The following LOC400499 variants were observed in gnomAD, a reference collection of about 807,000 sequenced individuals.
At chr16:11,521,825 AAT>A in the LOC400499 span, 55 of 396,900 alleles carry the variant, frequency 1.4e-4, no homozygotes, top group South Asian at 7.7e-3. Context: ...TCACTTGCCA[AAT>A]ATAAGATTCC....
the LOC400499 span, among the ~76,000 whole-genome samples, chr16:11,498,987 C>T: frequency 1.2e-3 from 167 of 136,702 alleles, no homozygotes; most frequent in East Asian, 0.016. Flanking sequence ...TGAGGAAGTC[C>T]AGATGGGTTT....
chr16:11,372,129 C>T, the LOC400499 span: 1 of 152,194 alleles, frequency 6.6e-6, no homozygotes, highest in Non-Finnish European at 1.5e-5. Context: ...TCACAGGTGC[C>T]CCTACCAAAA....
chr16:11,479,126 G>C, the LOC400499 span, among the ~76,000 whole-genome samples: 2 of 152,160 alleles, frequency 1.3e-5, no homozygotes, highest in Non-Finnish European at 2.9e-5. Flanking sequence ...TACTTTGGGA[G>C]GGGGAAGGGG....
the LOC400499 span, chr16:11,398,442 G>T: frequency 8.1e-7 from 1 of 1,232,288 alleles, no homozygotes; most frequent in Non-Finnish European, 1.0e-6. Flanking sequence ...ACGGGTACAA[G>T]AGGCCCCGAG....
the LOC400499 span, chr16:11,459,821 A>T: frequency 5.7e-5 from 71 of 1,244,368 alleles, no homozygotes; most frequent in Middle Eastern, 1.8e-3. Flanking sequence ...CCAGAGGGCC[A>T]TGTGGGGGTT....
At chr16:11,374,872 A>C in the LOC400499 span, among the ~76,000 whole-genome samples, 1 of 152,306 alleles carries the variant, frequency 6.6e-6, no homozygotes, top group East Asian at 1.9e-4. Flanking sequence ...GTTTTGAGAC[A>C]GAGTCTGGCT....
the LOC400499 span, among the ~76,000 whole-genome samples, chr16:11,462,865 G>A: frequency 1.3e-5 from 2 of 152,106 alleles, no homozygotes; most frequent in South Asian, 4.1e-4. Flanking sequence ...TGTCCCTATG[G>A]AACGCGTCTA....
At chr16:11,434,848 T>C in the LOC400499 span, among the ~76,000 whole-genome samples, 9 of 152,310 alleles carry the variant, frequency 5.9e-5, no homozygotes, top group East Asian at 1.7e-3. Context: ...CCCTGGACCC[T>C]AGGCTCCTGA....
At chr16:11,453,101 C>T in the LOC400499 span, among the ~76,000 whole-genome samples, 21 of 152,266 alleles carry the variant, frequency 1.4e-4, no homozygotes, top group African/African-American at 5.1e-4. Context: ...CTCACTCTCC[C>T]CTAATGGGAT....
the LOC400499 span, chr16:11,448,837 C>T: frequency 3.3e-6 from 4 of 1,203,466 alleles, no homozygotes; most frequent in African/African-American, 1.5e-5. Flanking sequence ...AGCCCTTTTC[C>T]ATCCGAAGCA....
At chr16:11,460,693 C>A in the LOC400499 span, 1 of 1,447,124 alleles carries the variant, frequency 6.9e-7, no homozygotes. Context: ...GGGCCCGGCC[C>A]AGCCTGGCCT....
chr16:11,410,901 G>C, the LOC400499 span, among the ~76,000 whole-genome samples: 1 of 152,250 alleles, frequency 6.6e-6, no homozygotes, highest in Non-Finnish European at 1.5e-5. Context: ...TGGGGGTGAC[G>C]CTGGCTCAGC....
the LOC400499 span, among the ~76,000 whole-genome samples, chr16:11,438,221 TGA>T: frequency 3.9e-5 from 6 of 152,276 alleles, no homozygotes; most frequent in East Asian, 1.2e-3. Flanking sequence ...ATGGTTAATA[TGA>T]TGACATTTCC....
the LOC400499 span, chr16:11,522,207 T>C: frequency 2.5e-6 from 1 of 398,050 alleles, no homozygotes; most frequent in East Asian, 3.6e-5. Context: ...CACACCTCTC[T>C]CTCTCCATCT....
At chr16:11,406,011 ACT>A in the LOC400499 span, among the ~76,000 whole-genome samples, 4 of 151,940 alleles carry the variant, frequency 2.6e-5, no homozygotes, top group Non-Finnish European at 4.4e-5. Context: ...TGCCTGGAAT[ACT>A]CTTTTTAAAA....
chr16:11,456,845 C>A, the LOC400499 span: 1 of 1,536,302 alleles, frequency 6.5e-7, no homozygotes, highest in Non-Finnish European at 8.7e-7. Flanking sequence ...GGAGGCCCCA[C>A]AGCCAACACT....
At chr16:11,460,492 T>C in the LOC400499 span, 3 of 1,530,162 alleles carry the variant, frequency 2.0e-6, no homozygotes, top group Non-Finnish European at 2.6e-6. Context: ...GGCTGAAGGC[T>C]AGGATCTGTG....
chr16:11,504,908 G>A, the LOC400499 span, among the ~76,000 whole-genome samples: 4 of 151,948 alleles, frequency 2.6e-5, no homozygotes, highest in African/African-American at 9.7e-5. Flanking sequence ...GGGCGAAAGA[G>A]CAAGACCCTG....
the LOC400499 span, chr16:11,449,126 G>T: frequency 1.4e-6 from 2 of 1,424,006 alleles, no homozygotes; most frequent in Admixed American, 2.0e-5. Context: ...AGGTGAGGAG[G>T]GGGACCAAGG....
Sources: allele counts gnomAD v4.1 joint callset (sites outside exome capture counted in the v4.1 genomes callset), GRCh38; gene constraint gnomAD v4.1.1; transcripts MANE v1.5.